Variants in VWF observed in about 807,000 individuals in gnomAD.
VWF encodes the protein Factor VIII related antigen.
Under a neutral mutation model 308.6 loss-of-function variants are expected in VWF, and 176 were observed. The ratio of observed to expected loss-of-function variants is 0.57; its 90% CI spans 0.50 to 0.65. VWF has a LOEUF of 0.65. Ranked by LOEUF, VWF falls within the 30% of genes least tolerant of loss-of-function variation. VWF has a pLI of 0.00. For missense variants in VWF, 3,146 were observed against 3,648.2 expected, an observed-to-expected ratio of 0.86 and a Z score of 3.55; for synonymous variants, 1,385 against 1,443.4, an observed-to-expected ratio of 0.96 and a Z score of 0.92.
intron 47 of VWF, among the ~76,000 whole-genome samples, chr12:5,955,462 G>A (rs1223502016): frequency 6.6e-6 from 1 of 151,414 alleles, no homozygotes; most frequent in African/African-American, 2.4e-5. Flanking sequence ...GTGAGAACAT[G>A]CGGTGTTTGG....
chr12:6,096,353 T>G (rs1484212625), intron 5 of VWF, among the ~76,000 whole-genome samples: 1 of 152,072 alleles, frequency 6.6e-6, no homozygotes, highest in Non-Finnish European at 1.5e-5. Context: ...TCCTGGTGAG[T>G]GAATGGTCCT....
intron 38 of VWF, 80 bp from the exon 39 acceptor site, chr12:5,985,745 T>G: frequency 7.3e-7 from 1 of 1,376,754 alleles, no homozygotes. Flanking sequence ...CAGCTCTCCC[T>G]GCCTCCGGCA....
chr12:5,976,652 C>T (rs932087703), intron 42 of VWF, among the ~76,000 whole-genome samples: 64 of 151,914 alleles, frequency 4.2e-4, no homozygotes, highest in African/African-American at 1.4e-3. Flanking sequence ...CCATCCTCAT[C>T]GAGCCCTCTG....
At chr12:6,099,661 A>T (rs1945140280) in intron 5 of VWF, among the ~76,000 whole-genome samples, 1 of 152,128 alleles carries the variant, frequency 6.6e-6, no homozygotes. Context: ...CTATTTAATA[A>T]ATGGTGCTGG....
chr12:6,123,160 G>T lies in VWF; in HGVS notation c.37C>A (p.Leu13Met). The T allele has an allele frequency of 6.2e-7, 1 of 1,614,212 alleles. No homozygotes were observed. Among genetic ancestry groups the T allele is most frequent in the Non-Finnish European group, 8.5e-7 (1 of 1,180,042 alleles). ...TACCTACCTGGCAAAATGAGGGCCA[G>T]AGCAAGCAGCACCCCGGCAAATCTG... ...PARFAGVLLA[L>M]ALILPGTLCA... is the part of the protein sequence containing the mutation. The change falls in exon 2 of 52, where the codon CTG becomes ATG. Residue 13 changes from leucine (L) to methionine (M), a missense_variant. Around this residue, in one of 3 missense-constraint regions of VWF, gnomAD observed 1,304 missense variants for 1,353.0 expected, o/e 0.96. Coordinates refer to ENST00000261405, the MANE Select transcript of VWF (RefSeq NM_000552.5).
intron 22 of VWF, 118 bp from the exon 23 acceptor site, chr12:6,026,164 G>C (rs1041896430): frequency 2.7e-6 from 4 of 1,466,788 alleles, no homozygotes; most frequent in African/African-American, 1.4e-5. Context: ...GGAAGAGGAG[G>C]AGGAGCGGGA....
Position 6,082,606 on chromosome 12 carries a change from T to A in VWF, c.658-7055A>T, listed in dbSNP as rs532666741. ...ACCTCCTCTTGGGGCAGCCCACTGT[T>A]CAAACTACGTTCTAATAAGGCAAAT... is the stretch of plus-strand genomic sequence containing the variant. On this transcript the variant is annotated intron_variant, in intron 6 of 51. Coordinates refer to ENST00000261405, the MANE Select transcript of VWF (RefSeq NM_000552.5). 3.3e-5 allele frequency among the ~76,000 whole-genome samples: 5 copies of A among 152,372 alleles called. No homozygotes were observed. In the South Asian group the frequency reaches 1.0e-3, roughly 32 times the overall value.
intron 42 of VWF, 28 bp from the exon 43 acceptor site, chr12:5,976,288 C>G: frequency 6.2e-7 from 1 of 1,614,134 alleles, no homozygotes. Context: ...CGTGAGTGAA[C>G]TCATTTGTTT....
chr12:6,110,450 G>A lies in VWF; in HGVS notation c.456C>T (p.Asp152=), dbSNP rs747152070. ...GSGNFQVLLS[D]RYFNKTCGLC... The stretch of plus-strand genomic sequence containing the variant: ...GCCCGCAGGTCTTGTTGAAGTATCT[G>A]TCTGACAGCAGGACTTGAAAGTTGC... The change falls in exon 5 of 52, where the codon GAC becomes GAT. Residue 152 remains aspartate, a synonymous_variant. Transcript: ENST00000261405. 4.3e-6 allele frequency: 7 copies of A among 1,614,056 alleles called. No individual in the cohort carries two copies. Among genetic ancestry groups the A allele is most frequent in the Middle Eastern group, 1.6e-4 (1 of 6,084 alleles).
chr12:5,986,591 A>C (rs216874), intron 38 of VWF, among the ~76,000 whole-genome samples: 126,893 of 151,994 alleles, frequency 0.83, 53,467 homozygotes, highest in East Asian at 0.92. Flanking sequence ...TCAAATACCC[A>C]CAAGTAAGGC....
chr12:5,969,086 G>T, intron 45 of VWF, 125 bp downstream of exon 45: 1 of 1,074,838 alleles, frequency 9.3e-7, no homozygotes, highest in Non-Finnish European at 1.4e-6. Flanking sequence ...GGAGCAGATG[G>T]GAAGATTTCG....
chr12:6,043,175 A>T (rs1312333426), intron 18 of VWF, among the ~76,000 whole-genome samples: 1 of 152,256 alleles, frequency 6.6e-6, no homozygotes, highest in Non-Finnish European at 1.5e-5. Flanking sequence ...AGGCTAAGAC[A>T]GAGGAGGAGA....
At chr12:5,977,372 T>A (rs1943543771) in intron 42 of VWF, among the ~76,000 whole-genome samples, 1 of 152,206 alleles carries the variant, frequency 6.6e-6, no homozygotes, top group Non-Finnish European at 1.5e-5. Context: ...ACTATGGTGC[T>A]GCCATGCAAT....
At chr12:6,055,759 T>TACACACACACACACAC (rs775653228) in intron 15 of VWF, among the ~76,000 whole-genome samples, 97 of 66,296 alleles carry the variant, frequency 1.5e-3, no homozygotes, top group Admixed American at 2.8e-3. Context: ...TATATATATG[T>TACACACACACACACAC]ATACACACAC....
intron 44 of VWF, among the ~76,000 whole-genome samples, 154 bp downstream of exon 44, chr12:5,971,445 G>A (rs1473586771): frequency 2.0e-5 from 3 of 152,248 alleles, no homozygotes; most frequent in African/African-American, 7.2e-5. Context: ...TAAGGGGCAG[G>A]TCATCCCAGC....
intron 5 of VWF, among the ~76,000 whole-genome samples, chr12:6,100,464 T>A (rs1945150334): frequency 6.6e-6 from 1 of 151,190 alleles, no homozygotes; most frequent in Admixed American, 6.6e-5. Context: ...GCGGCACTAT[T>A]CACAATAGCA....
chr12:6,122,970 G>A (rs749920872), intron 2 of VWF, 172 bp downstream of exon 2: 2 of 824,168 alleles, frequency 2.4e-6, no homozygotes, highest in East Asian at 4.8e-5. Context: ...CTGGTCTCTG[G>A]AATACAAGTC....
At chr12:6,026,540 T>A (rs995228446) in intron 22 of VWF, among the ~76,000 whole-genome samples, 1 of 152,148 alleles carries the variant, frequency 6.6e-6, no homozygotes, top group Admixed American at 6.5e-5. Flanking sequence ...AGAATTCTGC[T>A]CTCTCATAAA....
chr12:6,113,077 T>G (rs555051708), intron 3 of VWF, among the ~76,000 whole-genome samples: 1 of 152,174 alleles, frequency 6.6e-6, no homozygotes, highest in South Asian at 2.1e-4. Flanking sequence ...ATAAACCACA[T>G]TCTGCGGAGC....
Sources: allele counts gnomAD v4.1 joint callset (sites outside exome capture counted in the v4.1 genomes callset), GRCh38; gene constraint gnomAD v4.1.1; regional missense constraint gnomAD v4.1.1; transcripts MANE v1.5; gene names NCBI Gene and HGNC (gene_info 2026-07-23, HGNC 2026-07-21).